Variants in SSBP3 observed in about 807,000 individuals in gnomAD.
The protein encoded by SSBP3 is single stranded DNA binding protein 3.
A neutral mutation model predicts 69.6 loss-of-function variants in SSBP3; 5 were observed. The ratio of observed to expected loss-of-function variants is 0.07; its 90% CI spans 0.04 to 0.15. The LOEUF (loss-of-function observed/expected upper bound fraction) is 0.15, where lower values mean the gene tolerates loss of function less well. Ranked by LOEUF, SSBP3 falls within the 10% of genes least tolerant of loss-of-function variation. The probability of loss-of-function intolerance (pLI) is 1.00; values close to 1 mark genes in which losing one functional copy is unlikely to be tolerated. For missense variants in SSBP3, 312 were observed against 534.0 expected, an observed-to-expected ratio of 0.58 and a Z score of 4.10; for synonymous variants, 196 against 193.4, an observed-to-expected ratio of 1.01 and a Z score of -0.11.
chr1:54,406,189 C>T (rs1265495474), exon 1 of SSBP3: 11 of 471,994 alleles, frequency 2.3e-5, no homozygotes, highest in Non-Finnish European at 1.8e-5. Context: ...GCTCCGCGCT[C>T]TTTCCAGCTG....
intron 4 of SSBP3, among the ~76,000 whole-genome samples, chr1:54,371,747 C>A (rs766329815): frequency 6.6e-6 from 1 of 152,196 alleles, no homozygotes; most frequent in South Asian, 2.1e-4. Flanking sequence ...ACCGTGCCCA[C>A]GTTTTATCTA....
chr1:54,337,420 C>T (rs561899469), intron 4 of SSBP3, among the ~76,000 whole-genome samples: 1 of 149,298 alleles, frequency 6.7e-6, no homozygotes, highest in Admixed American at 6.6e-5. Context: ...AGGCTGTTCT[C>T]GCTCCAGTCT....
chr1:54,355,692 G>C (rs2100603070), intron 4 of SSBP3, among the ~76,000 whole-genome samples: 1 of 152,292 alleles, frequency 6.6e-6, no homozygotes, highest in East Asian at 1.9e-4. Context: ...CCAAATTTAA[G>C]GAGGCTTCTT....
At chr1:54,389,276 G>T (rs561718793) in intron 4 of SSBP3, among the ~76,000 whole-genome samples, 74 of 152,290 alleles carry the variant, frequency 4.9e-4, no homozygotes, top group African/African-American at 1.7e-3. Context: ...GAGTCCACAG[G>T]GGGTGGTAGG....
At chr1:54,364,300 C>T (rs567211403) in intron 4 of SSBP3, among the ~76,000 whole-genome samples, 2 of 152,310 alleles carry the variant, frequency 1.3e-5, no homozygotes, top group African/African-American at 4.8e-5. Context: ...GTTGGCCAAA[C>T]CCTACTCTAG....
chr1:54,247,809 C>T (rs1268089493), intron 9 of SSBP3, among the ~76,000 whole-genome samples: 4 of 152,222 alleles, frequency 2.6e-5, no homozygotes, highest in African/African-American at 4.8e-5. Flanking sequence ...TCAGTTTTAG[C>T]TTCGTCCTAT....
intron 5 of SSBP3, among the ~76,000 whole-genome samples, chr1:54,259,739 G>T (rs1409088722): frequency 6.6e-6 from 1 of 152,210 alleles, no homozygotes; most frequent in African/African-American, 2.4e-5. Flanking sequence ...ATCGCAGGGG[G>T]CTGTACAAGA....
intron 7 of SSBP3, among the ~76,000 whole-genome samples, chr1:54,254,000 A>G (rs1327163925): frequency 3.3e-5 from 5 of 152,232 alleles, no homozygotes; most frequent in Non-Finnish European, 5.9e-5. Context: ...TGACCCTGAG[A>G]CAGGGACAGA....
At chr1:54,338,144 C>A (rs1646542961) in intron 4 of SSBP3, among the ~76,000 whole-genome samples, 1 of 152,232 alleles carries the variant, frequency 6.6e-6, no homozygotes, top group Non-Finnish European at 1.5e-5. Flanking sequence ...ACTGCCTGCT[C>A]CAGGAAGTTG....
chr1:54,250,402 G>T (rs1321442525), intron 9 of SSBP3, among the ~76,000 whole-genome samples: 2 of 151,742 alleles, frequency 1.3e-5, no homozygotes, highest in African/African-American at 2.4e-5. Context: ...GGAGCAGAGG[G>T]CTGTGGTTCT....
chr1:54,323,359 A>G (rs1411073803), intron 4 of SSBP3, among the ~76,000 whole-genome samples: 1 of 152,216 alleles, frequency 6.6e-6, no homozygotes, highest in Non-Finnish European at 1.5e-5. Flanking sequence ...CTCTGCTCTC[A>G]GGCCTCTCGA....
chr1:54,367,451 A>G (rs541359134), intron 4 of SSBP3, among the ~76,000 whole-genome samples: 42 of 152,300 alleles, frequency 2.8e-4, no homozygotes, highest in African/African-American at 8.9e-4. Context: ...TCCACTACTG[A>G]GCTCTTACAC....
chr1:54,316,664 A>AAT (rs1646111222), intron 4 of SSBP3, among the ~76,000 whole-genome samples: 1 of 24,834 alleles, frequency 4.0e-5, no homozygotes, highest in Admixed American at 3.9e-4. Context: ...AAAAAATAAA[A>AAT]TAAATAAATA....
chr1:54,326,261 GA>G, intron 4 of SSBP3: 1 of 152,502 alleles, frequency 6.6e-6, no homozygotes, highest in Non-Finnish European at 1.5e-5. Context: ...AGAAGCAGGG[GA>G]AATGACGAAT....
At chr1:54,266,003 A>C (rs1645095471) in intron 5 of SSBP3, among the ~76,000 whole-genome samples, 1 of 152,256 alleles carries the variant, frequency 6.6e-6, no homozygotes, top group Non-Finnish European at 1.5e-5. Flanking sequence ...GGCGGAACAG[A>C]ATCAGCAAGT....
At chr1:54,228,099 G>A (rs1644317513) in intron 17 of SSBP3, among the ~76,000 whole-genome samples, 156 bp downstream of exon 17, 1 of 152,196 alleles carries the variant, frequency 6.6e-6, no homozygotes, top group African/African-American at 2.4e-5. Context: ...CGTCAAGGCT[G>A]CACACTTCTG....
chr1:54,296,655 G>A (rs906515423), intron 4 of SSBP3, among the ~76,000 whole-genome samples: 2 of 152,198 alleles, frequency 1.3e-5, no homozygotes, highest in African/African-American at 4.8e-5. Context: ...AATAAGCACT[G>A]CCTGCCTCAC....
At chr1:54,311,645 C>G (rs1032561137) in intron 4 of SSBP3, among the ~76,000 whole-genome samples, 1 of 152,176 alleles carries the variant, frequency 6.6e-6, no homozygotes, top group African/African-American at 2.4e-5. Context: ...ACCACCGTCA[C>G]TCGGAGGGGC....
At chr1:54,245,434 A>T (rs1166497377) in intron 9 of SSBP3, among the ~76,000 whole-genome samples, 1 of 152,226 alleles carries the variant, frequency 6.6e-6, no homozygotes, top group African/African-American at 2.4e-5. Context: ...GAAGGGGGAC[A>T]GAATGGGAAG....
Sources: gnomAD v4.1 joint callset for allele counts (sites outside exome capture counted in the v4.1 genomes callset) on GRCh38, gnomAD v4.1.1 for gene constraint, MANE v1.5 for transcripts, NCBI Gene and HGNC (gene_info 2026-07-23, HGNC 2026-07-21) for gene names.